Variants in NUMB observed in about 807,000 individuals in gnomAD.
NUMB encodes NUMB endocytic adaptor protein.
In NUMB, 29 loss-of-function variants were observed where a neutral mutation model predicts 59.7. The ratio of observed to expected loss-of-function variants is 0.49; its 90% CI spans 0.36 to 0.66. NUMB has a LOEUF of 0.66. Among genes scored for constraint, NUMB ranks in the 30% least tolerant of loss-of-function variants. The probability of loss-of-function intolerance (pLI) is 0.00; values close to 1 mark genes in which losing one functional copy is unlikely to be tolerated. For missense variants in NUMB, 723 were observed against 822.0 expected, an observed-to-expected ratio of 0.88 and a Z score of 1.47; for synonymous variants, 288 against 288.2, an observed-to-expected ratio of 1.00 and a Z score of 0.01.
At chr14:73,438,498 A>G (rs6574120) in intron 1 of NUMB, among the ~76,000 whole-genome samples, 117,345 of 151,760 alleles carry the variant, frequency 0.77, 45,840 homozygotes, top group African/African-American at 0.88. Flanking sequence ...AGGTGTGCTG[A>G]CGCACATCTG....
Position 73,402,586 on chromosome 14 carries a change from TATAATA to T in NUMB, c.-101+7345_-101+7350del, listed in dbSNP as rs1292866886. On this transcript the variant is annotated intron_variant, in intron 2 of 12. Coordinates refer to ENST00000555238, the MANE Select transcript of NUMB (RefSeq NM_001005743.2). ...CCCCAATGTCCACATACCAAACAATTATAATAATAATATCTTCCATTGTAGCACCTC... is the reference window on the plus strand; with the variant it reads ...CCCCAATGTCCACATACCAAACAATTATAATATCTTCCATTGTAGCACCTC... 5.3e-5 allele frequency among the ~76,000 whole-genome samples: 8 copies of T among 152,280 alleles called. No individual in the cohort carries two copies. In the East Asian group the frequency reaches 1.4e-3, roughly 26 times the overall value.
intron 1 of NUMB, among the ~76,000 whole-genome samples, chr14:73,457,356 CT>C (rs1566806915): frequency 6.6e-6 from 1 of 152,152 alleles, no homozygotes. Context: ...AGGAGCTTTG[CT>C]TTGGTCCTAG....
chr14:73,307,173 G>T (rs1355622784), intron 6 of NUMB, among the ~76,000 whole-genome samples: 1 of 152,114 alleles, frequency 6.6e-6, no homozygotes, highest in African/African-American at 2.4e-5. Context: ...GCTGGGTGTG[G>T]TGGCGGGCAC....
chr14:73,439,628 C>T (rs190390874), intron 1 of NUMB, among the ~76,000 whole-genome samples: 3 of 152,202 alleles, frequency 2.0e-5, no homozygotes, highest in Admixed American at 2.0e-4. Flanking sequence ...CACTACAGAA[C>T]ATTTCCTTGA....
At chr14:73,387,557 C>T (rs1257695800) in intron 2 of NUMB, among the ~76,000 whole-genome samples, 4 of 151,922 alleles carry the variant, frequency 2.6e-5, no homozygotes, top group Admixed American at 6.6e-5. Context: ...GCTTTCCCTT[C>T]TGGCACAACT....
intron 7 of NUMB, among the ~76,000 whole-genome samples, chr14:73,295,000 C>T (rs1412686134): frequency 9.2e-6 from 1 of 109,258 alleles, no homozygotes; most frequent in South Asian, 3.3e-4. Flanking sequence ...GCTGAGGCTG[C>T]AGTGAACTAT....
intron 4 of NUMB, among the ~76,000 whole-genome samples, chr14:73,344,308 G>A (rs994501127): frequency 4.6e-5 from 7 of 152,130 alleles, no homozygotes; most frequent in Non-Finnish European, 1.0e-4. Context: ...TCAGCCACTG[G>A]ATCAGAACTT....
Position 73,287,590 on chromosome 14 carries a change from C to G in NUMB, c.451-276G>C, listed in dbSNP as rs181181721. Among the ~76,000 whole-genome samples the G allele has an allele frequency of 3.5e-3, 533 of 152,174 alleles. 1 individual carries two copies. The highest frequency in any genetic ancestry group is 5.4e-3 in the Non-Finnish European group (368 of 68,002). ...ATGGGGTTTTGCTATGTTGGGCAGGCTGGTCTCCAACTCCTGGCCTCAAGT... is the reference window on the plus strand; with the variant it reads ...ATGGGGTTTTGCTATGTTGGGCAGGGTGGTCTCCAACTCCTGGCCTCAAGT... On this transcript the variant is annotated intron_variant, in intron 8 of 12. Coordinates refer to ENST00000555238, the MANE Select transcript of NUMB (RefSeq NM_001005743.2).
chr14:73,343,066 T>C (rs1325035203), intron 4 of NUMB, among the ~76,000 whole-genome samples: 3 of 151,928 alleles, frequency 2.0e-5, no homozygotes, highest in Non-Finnish European at 4.4e-5. Context: ...TGGGCTCAAG[T>C]GTTCCTCCTG....
chr14:73,297,366 G>A, intron 6 of NUMB, 81 bp from the exon 7 acceptor site: 1 of 895,224 alleles, frequency 1.1e-6, no homozygotes, highest in Non-Finnish European at 1.8e-6. Context: ...AGAAAACACT[G>A]ACTCTGCCTT....
intron 1 of NUMB, among the ~76,000 whole-genome samples, chr14:73,452,765 T>C (rs1321470146): frequency 6.6e-6 from 1 of 152,186 alleles, no homozygotes; most frequent in Non-Finnish European, 1.5e-5. Context: ...AGAAGAGCCT[T>C]CTTCTAAATC....
At chr14:73,392,828 G>A (rs758774429) in intron 2 of NUMB, among the ~76,000 whole-genome samples, 1 of 151,384 alleles carries the variant, frequency 6.6e-6, no homozygotes, top group Non-Finnish European at 1.5e-5. Context: ...ACCAAAGCTA[G>A]GAAAACTGAG....
chr14:73,341,311 A>T (rs550807285), intron 4 of NUMB, among the ~76,000 whole-genome samples: 1 of 152,346 alleles, frequency 6.6e-6, no homozygotes, highest in African/African-American at 2.4e-5. Context: ...ATTTATGAAT[A>T]TAGGATACCA....
chr14:73,353,052 T>C (rs1893511742), intron 4 of NUMB, among the ~76,000 whole-genome samples: 1 of 146,178 alleles, frequency 6.8e-6, no homozygotes. Context: ...TTCAACTTAA[T>C]GGATGCCACA....
chr14:73,382,246 G>A (rs531398278), intron 2 of NUMB, among the ~76,000 whole-genome samples: 37 of 152,102 alleles, frequency 2.4e-4, no homozygotes, highest in Admixed American at 6.6e-4. Context: ...TCCTGGGTTC[G>A]AGTGATTCTC....
At chr14:73,311,165 C>A (rs1890756802) in intron 6 of NUMB, among the ~76,000 whole-genome samples, 1 of 152,128 alleles carries the variant, frequency 6.6e-6, no homozygotes, top group Non-Finnish European at 1.5e-5. Flanking sequence ...AAGCGATTCT[C>A]TTGCCTCAGC....
At chr14:73,340,559 T>G (rs1377349445) in intron 4 of NUMB, among the ~76,000 whole-genome samples, 1 of 152,262 alleles carries the variant, frequency 6.6e-6, no homozygotes, top group African/African-American at 2.4e-5. Context: ...GTCTGTTCTC[T>G]GCTTTGTTGT....
At chr14:73,434,525 A>G (rs1007779446) in intron 1 of NUMB, among the ~76,000 whole-genome samples, 4 of 152,144 alleles carry the variant, frequency 2.6e-5, no homozygotes, top group African/African-American at 9.7e-5. Context: ...AGATCACACT[A>G]TTTTAACATT....
intron 2 of NUMB, among the ~76,000 whole-genome samples, chr14:73,402,202 T>C (rs1335859230): frequency 6.6e-6 from 1 of 152,164 alleles, no homozygotes; most frequent in Non-Finnish European, 1.5e-5. Flanking sequence ...GACCTCATAA[T>C]TCAAATCCAG....
Sources: gnomAD v4.1 joint callset for allele counts (sites outside exome capture counted in the v4.1 genomes callset) on GRCh38, gnomAD v4.1.1 for gene constraint, MANE v1.5 for transcripts, NCBI Gene and HGNC (gene_info 2026-07-23, HGNC 2026-07-21) for gene names.